SLC39A11: variants seen among roughly 807,000 people sequenced by gnomAD.
SLC39A11 encodes the protein solute carrier family 39 member 11.
SLC39A11 carries 33 observed loss-of-function variants against 36.1 expected under a neutral mutation model. The ratio of observed to expected loss-of-function variants is 0.91; its 90% confidence interval spans 0.69 to 1.22. The LOEUF (loss-of-function observed/expected upper bound fraction) is 1.22, where lower values mean the gene tolerates loss of function less well. Among genes scored for constraint, SLC39A11 ranks in the 50% most tolerant of loss-of-function variants. The probability of loss-of-function intolerance (pLI) is 0.00; values close to 1 mark genes in which losing one functional copy is unlikely to be tolerated. For synonymous variants in SLC39A11, 166 were observed against 170.3 expected (o/e 0.97, Z 0.20); for missense variants, 432 against 430.3 (o/e 1.00, Z -0.03).
At chr17:72,741,015 C>T (rs1449898868) in intron 6 of SLC39A11, among the ~76,000 whole-genome samples, 1 of 152,170 alleles carries the variant, frequency 6.6e-6, no homozygotes, top group Non-Finnish European at 1.5e-5. Context: ...CTCAGGTGAT[C>T]TGTCCGCTTT....
At chr17:72,721,298 T>C (rs2073667826) in intron 7 of SLC39A11, among the ~76,000 whole-genome samples, 1 of 152,034 alleles carries the variant, frequency 6.6e-6, no homozygotes, top group Non-Finnish European at 1.5e-5. Flanking sequence ...GGTTTCACCA[T>C]GTTGGCCAGT....
chr17:72,843,255 G>C (rs1253295290), intron 6 of SLC39A11, among the ~76,000 whole-genome samples: 3 of 152,032 alleles, frequency 2.0e-5, no homozygotes, highest in African/African-American at 7.2e-5. Flanking sequence ...GGCCTGGGGA[G>C]GGGTTCTTTC....
chr17:72,718,380 A>C (rs574032049), intron 7 of SLC39A11, among the ~76,000 whole-genome samples: 3 of 152,310 alleles, frequency 2.0e-5, no homozygotes, highest in East Asian at 1.9e-4. Context: ...TGGAGGTTGC[A>C]GTGAGCTGAG....
chr17:73,068,527 A>G (rs2060067007), intron 3 of SLC39A11, among the ~76,000 whole-genome samples: 1 of 152,128 alleles, frequency 6.6e-6, no homozygotes, highest in African/African-American at 2.4e-5. Context: ...AGTAAGCCTA[A>G]GAGACCCCTG....
At chr17:73,057,691 A>C (rs368804460) in intron 3 of SLC39A11, among the ~76,000 whole-genome samples, 2 of 152,326 alleles carry the variant, frequency 1.3e-5, no homozygotes, top group East Asian at 3.9e-4. Flanking sequence ...TAATCCTAGC[A>C]CTTTGGGAGG....
intron 5 of SLC39A11, among the ~76,000 whole-genome samples, chr17:72,912,854 C>T (rs1360855158): frequency 6.6e-6 from 1 of 152,154 alleles, no homozygotes; most frequent in African/African-American, 2.4e-5. Flanking sequence ...CTGAGCTGCG[C>T]CCCCTTCTTT....
At chr17:72,666,717 C>G (rs1023472694) in intron 7 of SLC39A11, among the ~76,000 whole-genome samples, 8 of 152,170 alleles carry the variant, frequency 5.3e-5, no homozygotes, top group Non-Finnish European at 8.8e-5. Context: ...CTAATGCAAA[C>G]TAAAGGGGGA....
Position 72,894,703 on chromosome 17 carries a change from A to G in SLC39A11, c.431-44899T>C, listed in dbSNP as rs1044309760. 5.3e-5 allele frequency among the ~76,000 whole-genome samples: 8 copies of G among 151,540 alleles called. No homozygotes were observed. In the East Asian group the frequency reaches 1.4e-3, roughly 26 times the overall value. Reference sequence around the variant, plus strand: ...AAAAAAAAAATTCTAGAGGGAACCTAGAAGGAGCCAGTACCTCAACCTGAA... The same window carrying G: ...AAAAAAAAAATTCTAGAGGGAACCTGGAAGGAGCCAGTACCTCAACCTGAA... On this transcript the variant is annotated intron_variant, in intron 5 of 9. Coordinates refer to ENST00000255559, the MANE Select transcript of SLC39A11 (RefSeq NM_139177.4).
chr17:72,849,086 T>TAAGA (rs56401598), intron 6 of SLC39A11, among the ~76,000 whole-genome samples: 69,796 of 151,728 alleles, frequency 0.46, 16,957 homozygotes, highest in Non-Finnish European at 0.54. Context: ...AAGGAATTCA[T>TAAGA]AAGATAACAT....
At chr17:72,720,149 G>A (rs999831070) in intron 7 of SLC39A11, among the ~76,000 whole-genome samples, 3 of 152,130 alleles carry the variant, frequency 2.0e-5, no homozygotes, top group Non-Finnish European at 4.4e-5. Context: ...TCCCAGGGAG[G>A]ACACAGGAGA....
At chr17:72,756,824 GA>G (rs1156331585) in intron 6 of SLC39A11, among the ~76,000 whole-genome samples, 1 of 151,778 alleles carries the variant, frequency 6.6e-6, no homozygotes, top group East Asian at 1.9e-4. Flanking sequence ...TATTTGGGGA[GA>G]AAAAAAACTA....
At chr17:72,833,126 G>C (rs751089188) in intron 6 of SLC39A11, among the ~76,000 whole-genome samples, 41 of 152,302 alleles carry the variant, frequency 2.7e-4, no homozygotes, top group Admixed American at 4.6e-4. Context: ...CCTCTTGCCT[G>C]GTCTCCAGTC....
chr17:72,781,698 C>T (rs542650837), intron 6 of SLC39A11, among the ~76,000 whole-genome samples: 4 of 152,260 alleles, frequency 2.6e-5, no homozygotes, highest in Admixed American at 1.3e-4. Context: ...GGATTACAGG[C>T]GTGAGCCACT....
At chr17:72,949,610 G>C (rs908854964) in intron 4 of SLC39A11, among the ~76,000 whole-genome samples, 1 of 151,778 alleles carries the variant, frequency 6.6e-6, no homozygotes, top group East Asian at 1.9e-4. Context: ...TCTTTCACAC[G>C]TCTTTCATTA....
At chr17:73,085,424 T>C (rs1208681615) in intron 2 of SLC39A11, among the ~76,000 whole-genome samples, 3 of 152,034 alleles carry the variant, frequency 2.0e-5, no homozygotes, top group African/African-American at 7.3e-5. Context: ...GGCAGGTGGA[T>C]CACCTGAGGT....
chr17:72,681,849 C>T (rs1049775625), intron 7 of SLC39A11, among the ~76,000 whole-genome samples: 3 of 152,100 alleles, frequency 2.0e-5, no homozygotes, highest in Non-Finnish European at 4.4e-5. Flanking sequence ...TCTTTTTTCT[C>T]ATTTACTTTA....
At chr17:72,899,298 A>T (rs1181035289) in intron 5 of SLC39A11, among the ~76,000 whole-genome samples, 1 of 148,728 alleles carries the variant, frequency 6.7e-6, no homozygotes, top group Non-Finnish European at 1.5e-5. Flanking sequence ...GGGTAAGAAA[A>T]AAGGCCCTAA....
chr17:72,842,339 C>T (rs1327480679), intron 6 of SLC39A11, among the ~76,000 whole-genome samples: 1 of 151,916 alleles, frequency 6.6e-6, no homozygotes, highest in Non-Finnish European at 1.5e-5. Flanking sequence ...AGTTATCATC[C>T]AATGCTAAGG....
At chr17:72,853,034 A>G (rs1388514139) in intron 5 of SLC39A11, among the ~76,000 whole-genome samples, 2 of 146,508 alleles carry the variant, frequency 1.4e-5, no homozygotes, top group Non-Finnish European at 3.0e-5. Context: ...TTGATTGATT[A>G]AGCAGGGTCC....
Sources: gnomAD v4.1 joint callset for allele counts (sites outside exome capture counted in the v4.1 genomes callset) on GRCh38, gnomAD v4.1.1 for gene constraint, MANE v1.5 for transcripts, NCBI Gene and HGNC (gene_info 2026-07-23, HGNC 2026-07-21) for gene names.